Variants in ANO1 observed in about 807,000 individuals in gnomAD.
ANO1 encodes anoctamin 1.
Under a neutral mutation model 124.0 loss-of-function variants are expected in ANO1, and 59 were observed. That is an observed-to-expected ratio of 0.48 (90% CI 0.39 to 0.59). ANO1 has a LOEUF of 0.59. Ranked by LOEUF, ANO1 falls within the 20% of genes least tolerant of loss-of-function variation. The pLI is 0.00. For missense variants in ANO1, 1,059 were observed against 1,328.0 expected (o/e 0.80, Z 3.15); for synonymous variants, 529 against 532.0 (o/e 0.99, Z 0.08).
intron 1 of ANO1, among the ~76,000 whole-genome samples, chr11:70,067,211 T>C (rs1455684868): frequency 2.0e-5 from 3 of 152,080 alleles, no homozygotes; most frequent in African/African-American, 4.8e-5. Flanking sequence ...CCCGTGGGGC[T>C]TAACCACCTC....
chr11:70,161,938 G>A (rs1326694790), intron 18 of ANO1, among the ~76,000 whole-genome samples: 1 of 152,084 alleles, frequency 6.6e-6, no homozygotes, highest in Non-Finnish European at 1.5e-5. Flanking sequence ...CCAGGTGGCA[G>A]GGAACCCAGG....
chr11:70,034,322 C>A (rs1025906121), intron 1 of ANO1, among the ~76,000 whole-genome samples: 6 of 152,012 alleles, frequency 3.9e-5, no homozygotes, highest in Non-Finnish European at 8.8e-5. Flanking sequence ...ACAGAGAAAC[C>A]CCTCATAGCT....
chr11:70,100,373 T>A (rs1172399863), intron 2 of ANO1, among the ~76,000 whole-genome samples: 1 of 152,122 alleles, frequency 6.6e-6, no homozygotes, highest in Non-Finnish European at 1.5e-5. Context: ...AGGTGGGCCA[T>A]AAATCCAATA....
intron 1 of ANO1, among the ~76,000 whole-genome samples, chr11:70,002,532 C>T (rs1010780521): frequency 6.6e-6 from 1 of 150,578 alleles, no homozygotes; most frequent in South Asian, 2.1e-4. Context: ...CAGTAACATG[C>T]TGTGAAGGTT....
Position 70,087,973 on chromosome 11 carries a change from A to G in ANO1, c.330A>G (p.Ala110=), listed in dbSNP as rs2044455753. 1.9e-6 allele frequency: 3 copies of G among 1,586,992 alleles called. No individual in the cohort carries two copies. Among genetic ancestry groups the G allele is most frequent in the South Asian group, 2.3e-5 (2 of 87,338 alleles). Residue 110 remains alanine, a synonymous_variant, in exon 2 of 26, where the codon GCA becomes GCG. Transcript: ENST00000355303. ...CGGGCAAGGGGGCGTCGCTGGATGC[A>G]GGCTCGGGGGAGCCCCCGATGGACT... ...PLPGKGASLD[A]GSGEPPMDYH...
chr11:70,007,273 CTTT>C (rs71046569), intron 1 of ANO1, among the ~76,000 whole-genome samples: 3,574 of 134,650 alleles, frequency 0.027, 113 homozygotes, highest in African/African-American at 0.093. Flanking sequence ...TCCTTTCTTT[CTTT>C]TTTTTTTTTT....
chr11:70,117,410 A>C (rs1590778575), intron 8 of ANO1, among the ~76,000 whole-genome samples: 2 of 149,022 alleles, frequency 1.3e-5, no homozygotes, highest in East Asian at 2.0e-4. Flanking sequence ...AATTTTCCTC[A>C]CTCCCCAAAG....
chr11:70,181,073 G>T (rs1348269515), intron 23 of ANO1, among the ~76,000 whole-genome samples: 1 of 152,176 alleles, frequency 6.6e-6, no homozygotes, highest in African/African-American at 2.4e-5. Flanking sequence ...GCTGTCCCCA[G>T]TACATACTTC....
rs190833146 is a variant in ANO1, at chr11:70,176,394, G to A, written c.2351-3610G>A. On this transcript the variant is annotated intron_variant, in intron 22 of 25. Transcript: ENST00000355303. ...ACTTCTGACCTCAGGTGATCTGCCC[G>A]CCTCTGCCTACCAAAGTGCTGGGAT... Among the ~76,000 whole-genome samples the A allele has an allele frequency of 4.6e-3, 699 of 152,146 alleles. 6 individuals are homozygous for A. The highest frequency in any genetic ancestry group is 6.4e-3 in the Non-Finnish European group (432 of 67,988).
intron 1 of ANO1, among the ~76,000 whole-genome samples, chr11:70,030,270 C>T (rs563704442): frequency 2.6e-4 from 39 of 152,312 alleles, no homozygotes; most frequent in African/African-American, 8.9e-4. Flanking sequence ...CGAGAGCCAG[C>T]CAGGGCTGCT....
At chr11:70,035,190 G>A (rs1429591622) in intron 1 of ANO1, among the ~76,000 whole-genome samples, 1 of 152,194 alleles carries the variant, frequency 6.6e-6, no homozygotes, top group Non-Finnish European at 1.5e-5. Context: ...GACCCGTGGA[G>A]CTGCCTGGCA....
At chr11:70,000,558 A>G (rs1283829062) in intron 1 of ANO1, among the ~76,000 whole-genome samples, 1 of 151,516 alleles carries the variant, frequency 6.6e-6, no homozygotes, top group African/African-American at 2.4e-5. Flanking sequence ...ACCCTTGCCT[A>G]CTGCTCATGG....
intron 2 of ANO1, among the ~76,000 whole-genome samples, chr11:70,095,275 G>A (rs71464387): frequency 6.2e-5 from 5 of 81,264 alleles, no homozygotes; most frequent in African/African-American, 2.6e-4. Flanking sequence ...AAGGAAGGAA[G>A]GAAGGAAGGA....
chr11:70,116,315 C>T, intron 7 of ANO1, 143 bp from the exon 8 acceptor site: 2 of 911,974 alleles, frequency 2.2e-6, no homozygotes, highest in Non-Finnish European at 3.3e-6. Flanking sequence ...AACCCTCACA[C>T]TCTGTGTGAA....
the ANO1 span, among the ~76,000 whole-genome samples, chr11:69,969,254 T>C: frequency 6.6e-6 from 1 of 152,144 alleles, no homozygotes; most frequent in African/African-American, 2.4e-5. Context: ...GGGAATCTCC[T>C]TCGGAGCCAT....
At position 70,152,467 on chromosome 11, in the gene ANO1, G is replaced by A; in HGVS notation, c.1353+6G>A. On this transcript the variant is annotated splice_donor_region_variant and intron_variant, in intron 13 of 25. Coordinates refer to ENST00000355303, the MANE Select transcript of ANO1 (RefSeq NM_018043.7). ...CCCTGAAGGAGGCTGTCAAGGTTTG[G>A]AACTTTTTGTCGCTCCTCTATCTTC... The A allele has an allele frequency of 1.9e-6, 3 of 1,612,742 alleles. No homozygotes were observed. The highest frequency in any genetic ancestry group is 2.5e-6 in the Non-Finnish European group (3 of 1,179,302).
At chr11:69,996,290 T>C (rs1856270717) in intron 1 of ANO1, among the ~76,000 whole-genome samples, 1 of 152,180 alleles carries the variant, frequency 6.6e-6, no homozygotes, top group African/African-American at 2.4e-5. Flanking sequence ...GCATTCCTCA[T>C]TCCTAACTCA....
chr11:70,103,914 G>A, intron 3 of ANO1, 85 bp from the exon 4 acceptor site: 3 of 1,449,636 alleles, frequency 2.1e-6, no homozygotes, highest in Non-Finnish European at 2.8e-6. Context: ...GGGGTGGGAT[G>A]GTTCTCTGAC....
intron 5 of ANO1, among the ~76,000 whole-genome samples, chr11:70,106,505 A>G (rs1298574778): frequency 1.3e-5 from 2 of 152,164 alleles, no homozygotes; most frequent in South Asian, 2.1e-4. Context: ...CCTCATGACC[A>G]CCACCTGAGA....
Sources: gnomAD v4.1 joint callset for allele counts (sites outside exome capture counted in the v4.1 genomes callset) on GRCh38, gnomAD v4.1.1 for gene constraint, MANE v1.5 for transcripts, NCBI Gene and HGNC (gene_info 2026-07-23, HGNC 2026-07-21) for gene names.